BCAS3: variants seen among roughly 807,000 people sequenced by gnomAD.
BCAS3 encodes BCAS4/BCAS3 fusion.
Under a neutral mutation model 116.1 loss-of-function variants are expected in BCAS3, and 53 were observed. The ratio of observed to expected loss-of-function variants is 0.46; its 90% confidence interval spans 0.37 to 0.57. BCAS3 has a LOEUF of 0.57. BCAS3 is among the 20% of genes least tolerant of loss of function. The probability of loss-of-function intolerance (pLI) is 0.00; values close to 1 mark genes in which losing one functional copy is unlikely to be tolerated. For synonymous variants in BCAS3, 391 were observed against 408.2 expected, an observed-to-expected ratio of 0.96 and a Z score of 0.51; for missense variants, 917 against 1,165.4, an observed-to-expected ratio of 0.79 and a Z score of 3.10.
rs1190622941 is a variant in BCAS3, at chr17:61,390,071, T to C, written c.2594-1906T>C. 6.6e-6 allele frequency: 1 copy of C among 152,356 alleles called. No homozygotes were observed. Among genetic ancestry groups the C allele is most frequent in the Non-Finnish European group, 1.5e-5 (1 of 68,124 alleles). The allele number at this position is 152,356 out of a possible 1,614,324, so 9.4% of individuals were successfully genotyped here. On this transcript the variant is annotated intron_variant, in intron 23 of 23. Coordinates refer to ENST00000407086, the MANE Select transcript of BCAS3 (RefSeq NM_017679.5). This position sits in a 1 kb window ranked among gnomAD's most constrained non-coding sequence, Gnocchi z 6.8. ...GATCCTAAGGAAGCCCCTGCTTTTC[T>C]TGCGCCTGCCGGTGCTCTTCTCCCG...
chr17:61,352,025 ACTT>A lies in BCAS3; in HGVS notation c.2426-16298_2426-16296del, dbSNP rs1404370021. 9.2e-5 allele frequency among the ~76,000 whole-genome samples: 14 copies of A among 152,202 alleles called. No homozygotes were observed. The highest frequency in any genetic ancestry group is 1.3e-4 in the Non-Finnish European group (9 of 68,032). On this transcript the variant is annotated intron_variant, in intron 22 of 23. Transcript: ENST00000407086. This position sits in a 1 kb window ranked among gnomAD's most constrained non-coding sequence, Gnocchi z 4.7. ...TATTTCTACAACAAACACTGCTTTT[ACTT>A]CTTTACCTATTTTTTTCCCCAATCT...
chr17:61,182,408 TAG>T (rs2079534311), intron 22 of BCAS3, among the ~76,000 whole-genome samples: 2 of 152,160 alleles, frequency 1.3e-5, no homozygotes, highest in Non-Finnish European at 2.9e-5. Flanking sequence ...AAAACCCCAC[TAG>T]CCATCACCCA....
intron 13 of BCAS3, among the ~76,000 whole-genome samples, chr17:60,936,881 G>A (rs1356463543): frequency 6.6e-6 from 1 of 152,018 alleles, no homozygotes; most frequent in Non-Finnish European, 1.5e-5. Flanking sequence ...CCATTTGTCA[G>A]TTTTGGCTTT....
chr17:61,030,213 C>T (rs976690319), intron 16 of BCAS3, among the ~76,000 whole-genome samples: 15 of 151,940 alleles, frequency 9.9e-5, no homozygotes, highest in South Asian at 6.2e-4. Context: ...TGAAAAGAAA[C>T]GGTGCTTCTG....
intron 13 of BCAS3, among the ~76,000 whole-genome samples, chr17:60,939,160 G>A (rs1031661534): frequency 6.6e-6 from 1 of 152,162 alleles, no homozygotes; most frequent in Non-Finnish European, 1.5e-5. Context: ...GCCAGGTGCG[G>A]TGGCTCACAC....
At chr17:61,273,462 A>G (rs1273265926) in intron 22 of BCAS3, among the ~76,000 whole-genome samples, 1 of 152,068 alleles carries the variant, frequency 6.6e-6, no homozygotes, top group African/African-American at 2.4e-5. Context: ...TCTGTATGTC[A>G]TATGTCTTTT....
rs911710803 is a variant in BCAS3 at position 61,367,507 on chromosome 17, C to T, written c.2426-820C>T. Reference sequence around the variant, plus strand: ...CTTTGGCTTAAGGACAGACCCTTGCCGAAGATGCTATCACCCACCTCCTTG... The same window carrying T: ...CTTTGGCTTAAGGACAGACCCTTGCTGAAGATGCTATCACCCACCTCCTTG... On this transcript the variant is annotated intron_variant, in intron 22 of 23. Transcript: ENST00000407086. The surrounding 1 kb of genome is among the most constrained non-coding windows in gnomAD (Gnocchi z 6.2). The T allele has an allele frequency of 6.6e-6, 1 of 152,194 alleles. No homozygotes were observed. Among genetic ancestry groups the T allele is most frequent in the Non-Finnish European group, 1.5e-5 (1 of 68,040 alleles). The allele number at this position is 152,194 out of a possible 1,614,324, so 9.4% of individuals were successfully genotyped here.
chr17:61,077,796 A>G lies in BCAS3; in HGVS notation c.2131-537A>G, dbSNP rs1361757741. Among the ~76,000 whole-genome samples the G allele has an allele frequency of 6.6e-6, 1 of 152,194 alleles. No individual in the cohort carries two copies. Among genetic ancestry groups the G allele is most frequent in the African/African-American group, 2.4e-5 (1 of 41,460 alleles). On this transcript the variant is annotated intron_variant, in intron 20 of 23. Coordinates refer to ENST00000407086, the MANE Select transcript of BCAS3 (RefSeq NM_017679.5). The surrounding 1 kb of genome is among the most constrained non-coding windows in gnomAD (Gnocchi z 4.3). ...AATATTATAATATTTTATTGTGGAAATAAAGTGGCTTTGGGCATTAAAATT... is the reference window on the plus strand; with the variant it reads ...AATATTATAATATTTTATTGTGGAAGTAAAGTGGCTTTGGGCATTAAAATT...
chr17:60,694,365 G>A (rs1055973546), intron 4 of BCAS3, among the ~76,000 whole-genome samples: 1 of 151,914 alleles, frequency 6.6e-6, no homozygotes, highest in Non-Finnish European at 1.5e-5. Context: ...GCTGGGCGTG[G>A]TGGCATGCGC....
At chr17:60,769,486 C>T (rs2144404673) in intron 6 of BCAS3, among the ~76,000 whole-genome samples, 1 of 152,290 alleles carries the variant, frequency 6.6e-6, no homozygotes, top group South Asian at 2.1e-4. Context: ...CTGGAGGCAG[C>T]ATTAGACCTA....
chr17:60,718,839 A>T (rs1053401498), intron 5 of BCAS3, among the ~76,000 whole-genome samples: 3 of 152,146 alleles, frequency 2.0e-5, no homozygotes, highest in African/African-American at 7.2e-5. Flanking sequence ...AGGTGGGCAG[A>T]TCACGAGGCC....
intron 13 of BCAS3, among the ~76,000 whole-genome samples, chr17:60,938,566 A>G (rs1054629408): frequency 6.6e-6 from 1 of 152,210 alleles, no homozygotes; most frequent in Admixed American, 6.5e-5. Context: ...AAGAAAACGT[A>G]AGGTTATATC....
intron 5 of BCAS3, among the ~76,000 whole-genome samples, chr17:60,735,234 A>T (rs1445555614): frequency 6.6e-6 from 1 of 151,944 alleles, no homozygotes; most frequent in East Asian, 1.9e-4. Context: ...TTTGTATTTT[A>T]TACATAGATG....
intron 6 of BCAS3, among the ~76,000 whole-genome samples, chr17:60,750,712 C>T (rs57805016): frequency 0.044 from 6,695 of 152,238 alleles, 535 homozygotes; most frequent in African/African-American, 0.15. Context: ...CTGTCCCCCT[C>T]ACTAGTCATC....
chr17:61,212,765 T>G (rs1269418719), intron 22 of BCAS3, among the ~76,000 whole-genome samples: 1 of 152,182 alleles, frequency 6.6e-6, no homozygotes. Context: ...TTTCTATTTC[T>G]CAGCTTCTCT....
chr17:61,009,155 G>C (rs899087942), intron 15 of BCAS3, among the ~76,000 whole-genome samples: 6 of 152,010 alleles, frequency 3.9e-5, no homozygotes, highest in African/African-American at 1.4e-4. Context: ...TCTGTGGTAA[G>C]AATAAGTGGG....
rs989970871 is a variant in BCAS3 at position 61,037,696 on chromosome 17, A to C, written c.1763-193A>C. 6.6e-6 allele frequency among the ~76,000 whole-genome samples: 1 copy of C among 152,128 alleles called. No homozygotes were observed. The highest frequency in any genetic ancestry group is 2.4e-5 in the African/African-American group (1 of 41,420). ...CTGAGGCGGGAGAACCATTTGAACC[A>C]GGGAGGCGGCAGCCTGGGCAGCAAG... On this transcript the variant is annotated intron_variant, in intron 17 of 23. Transcript: ENST00000407086. This position sits in a 1 kb window ranked among gnomAD's most constrained non-coding sequence, Gnocchi z 4.7.
intron 15 of BCAS3, among the ~76,000 whole-genome samples, chr17:61,001,143 A>G (rs531407979): frequency 2.6e-4 from 39 of 152,234 alleles, no homozygotes; most frequent in Admixed American, 9.2e-4. Context: ...AGCTTTTGGC[A>G]TCTGAATTCT....
rs1424358135 is a variant in BCAS3 at position 61,380,968 on chromosome 17, C to T, written c.2594-11009C>T. Among the ~76,000 whole-genome samples, 2 of 152,200 alleles carry T rather than the reference C, an allele frequency of 1.3e-5. No individual in the cohort carries two copies. The highest frequency in any genetic ancestry group is 2.9e-5 in the Non-Finnish European group (2 of 68,032). The stretch of plus-strand genomic sequence containing the variant: ...AGTCCCTGCAGGAGCCTGGAGCTGG[C>T]CCCTAGTATAATTGGTGCTGTCTCT... On this transcript the variant is annotated intron_variant, in intron 23 of 23. Coordinates refer to ENST00000407086, the MANE Select transcript of BCAS3 (RefSeq NM_017679.5). This position sits in a 1 kb window ranked among gnomAD's most constrained non-coding sequence, Gnocchi z 4.2.
Sources: allele counts gnomAD v4.1 joint callset (sites outside exome capture counted in the v4.1 genomes callset), GRCh38; gene constraint gnomAD v4.1.1; non-coding constraint Gnocchi (gnomAD v3.1); transcripts MANE v1.5; gene names NCBI Gene and HGNC (gene_info 2026-07-23, HGNC 2026-07-21).